The following CLASRP variants were observed in gnomAD, a reference collection of about 807,000 sequenced individuals.
CLASRP encodes CLK4-associating serine/arginine rich protein.
In CLASRP, 52 loss-of-function variants were observed where a neutral mutation model predicts 99.9. The observed-to-expected ratio is 0.52, with a 90% CI of 0.42 to 0.66. CLASRP has a LOEUF of 0.66. CLASRP is among the 30% of genes least tolerant of loss of function. CLASRP has a pLI of 0.00. For missense variants in CLASRP, 848 were observed against 999.2 expected, an observed-to-expected ratio of 0.85 and a Z score of 2.04; for synonymous variants, 379 against 373.0, an observed-to-expected ratio of 1.02 and a Z score of -0.18.
rs1370563082 is a variant in CLASRP, at chr19:45,067,086, C to T, written c.1410-251C>T. Among the ~76,000 whole-genome samples the T allele has an allele frequency of 3.3e-5, 5 of 152,158 alleles. No homozygotes were observed. The highest frequency in any genetic ancestry group is 5.9e-5 in the Non-Finnish European group (4 of 68,030). On this transcript the variant is annotated intron_variant, in intron 13 of 20. Coordinates refer to ENST00000221455, the MANE Select transcript of CLASRP (RefSeq NM_007056.3). The surrounding 1 kb of genome is among the most constrained non-coding windows in gnomAD (Gnocchi z 4.9). ...CGGGTGTCTAGTGAGGGAGAGGTGA[C>T]GTGGGCCAGGCAGGGCTCATGATGG...
chr19:45,043,012 G>A (rs573823895), intron 2 of CLASRP, among the ~76,000 whole-genome samples: 2 of 152,160 alleles, frequency 1.3e-5, no homozygotes, highest in South Asian at 4.1e-4. Flanking sequence ...TTTGTTTCAT[G>A]CACAAAATTA....
chr19:45,056,666 G>T, intron 6 of CLASRP, 132 bp downstream of exon 6: 1 of 734,444 alleles, frequency 1.4e-6, no homozygotes, highest in Non-Finnish European at 2.3e-6. Flanking sequence ...CACAGTCAGT[G>T]CTCAATTAAT....
In CLASRP at chr19:45,064,533, C is replaced by CGT; in HGVS notation, c.1314_1315dup (p.Gly439ValfsTer71). 6.5e-7 allele frequency: 1 copy of CGT among 1,537,834 alleles called. No homozygotes were observed. The highest frequency in any genetic ancestry group is 8.7e-7 in the Non-Finnish European group (1 of 1,146,266). On this transcript the variant is annotated frameshift_variant, in exon 13 of 21. Coordinates refer to ENST00000221455, the MANE Select transcript of CLASRP (RefSeq NM_007056.3). LOFTEE classifies it high-confidence loss of function. ...CCGGCGCTATTCCCGGTCCCGTAGC[C>CGT]GTGGCCGGCGGCACTCAGGTGGGGG...
chr19:45,042,510 T>A (rs1454243353), intron 2 of CLASRP, among the ~76,000 whole-genome samples: 2 of 150,830 alleles, frequency 1.3e-5, no homozygotes, highest in Non-Finnish European at 1.5e-5. Context: ...AAAAAAAAAA[T>A]TTATATATAT....
chr19:45,046,584 C>T (rs1205360879), intron 2 of CLASRP, among the ~76,000 whole-genome samples: 1 of 152,172 alleles, frequency 6.6e-6, no homozygotes, highest in Non-Finnish European at 1.5e-5. Context: ...GACTGTGAGC[C>T]CATGAGGGCA....
At position 45,064,591 on chromosome 19, in the gene CLASRP, C is replaced by G; in HGVS notation, c.1370C>G (p.Pro457Arg). 1 of 1,546,652 alleles carries G rather than the reference C, an allele frequency of 6.5e-7. No individual in the cohort carries two copies. The highest frequency in any genetic ancestry group is 8.7e-7 in the Non-Finnish European group (1 of 1,151,428). ...SRDGHRYSRSPARRGGYGPRR... is the reference protein window; with the variant it reads ...SRDGHRYSRSRARRGGYGPRR... ...GACGGACACCGGTACTCCCGCTCGC[C>G]CGCCCGGCGTGGTGGTTACGGGCCC... Residue 457 changes from proline (P) to arginine (R), a missense_variant, in exon 13 of 21, where the codon CCC becomes CGC. Pro to Arg is a moderately radical substitution (Grantham distance 103). Transcript: ENST00000221455.
chr19:45,062,495 A>G (rs182153210), intron 11 of CLASRP, among the ~76,000 whole-genome samples: 214 of 152,284 alleles, frequency 1.4e-3, no homozygotes, highest in African/African-American at 5.0e-3. Flanking sequence ...CTCCTGCCTC[A>G]GCCTCCTGAG....
intron 2 of CLASRP, among the ~76,000 whole-genome samples, chr19:45,050,999 G>A (rs1482360646): frequency 2.0e-5 from 3 of 151,990 alleles, no homozygotes; most frequent in Admixed American, 1.3e-4. Context: ...GATTACCGGC[G>A]TGAGCCACTA....
chr19:45,057,798 G>T lies in CLASRP; in HGVS notation c.513G>T (p.Thr171=), dbSNP rs200073687. Reference sequence around the variant, plus strand: ...TCGGTTATACCTACGAGGACAGCACGGTGGCCGAGGTAGAGAAGGCGGCAG... The same window carrying T: ...TCGGTTATACCTACGAGGACAGCACTGTGGCCGAGGTAGAGAAGGCGGCAG... ...ASIGYTYEDS[T]VAEVEKAAEK... The change falls in exon 7 of 21, where the codon ACG becomes ACT. Residue 171 remains threonine, a synonymous_variant. Transcript: ENST00000221455. 41 of 1,614,074 alleles carry T rather than the reference G, an allele frequency of 2.5e-5. No homozygotes were observed. The East Asian group carries it at 4.5e-4, about 18-fold the overall frequency.
chr19:45,039,976 T>G, intron 1 of CLASRP: 2 of 397,784 alleles, frequency 5.0e-6, no homozygotes, highest in South Asian at 2.9e-5. Context: ...CACCTGAGGG[T>G]TTTTCAGAAT....
chr19:45,065,965 A>G (rs1967077078), intron 13 of CLASRP, among the ~76,000 whole-genome samples: 1 of 152,162 alleles, frequency 6.6e-6, no homozygotes, highest in Non-Finnish European at 1.5e-5. Flanking sequence ...TCTGGCAGGT[A>G]AAGTAGAGGG....
chr19:45,055,526 C>G (rs1972104531), intron 5 of CLASRP, among the ~76,000 whole-genome samples: 1 of 152,226 alleles, frequency 6.6e-6, no homozygotes, highest in Admixed American at 6.5e-5. Flanking sequence ...CTGCCCACCT[C>G]TTGTTCCAGA....
chr19:45,049,475 T>C (rs924575810), intron 2 of CLASRP, among the ~76,000 whole-genome samples: 18 of 152,052 alleles, frequency 1.2e-4, no homozygotes, highest in Admixed American at 1.1e-3. Context: ...TCTTTAGGTG[T>C]GAAATGAGAG....
intron 1 of CLASRP, among the ~76,000 whole-genome samples, chr19:45,039,365 A>C (rs34603317): frequency 0.034 from 4,994 of 148,990 alleles, 264 homozygotes; most frequent in African/African-American, 0.12. Context: ...TCAAAAAAAA[A>C]AACAACAAAA....
intron 12 of CLASRP, 31 bp downstream of exon 12, chr19:45,064,258 C>T (rs571853494): frequency 2.6e-6 from 4 of 1,548,588 alleles, no homozygotes; most frequent in Middle Eastern, 1.8e-4. Flanking sequence ...CCGCCCTACG[C>T]CCCGGTCACC....
In CLASRP at chr19:45,060,388, G is replaced by C; in HGVS notation, c.711-1G>C. The C allele has an allele frequency of 6.2e-7, 1 of 1,613,978 alleles. No individual in the cohort carries two copies. The highest frequency in any genetic ancestry group is 8.5e-7 in the Non-Finnish European group (1 of 1,179,914). On this transcript the variant is annotated splice_acceptor_variant, in intron 8 of 20. Coordinates refer to ENST00000221455, the MANE Select transcript of CLASRP (RefSeq NM_007056.3). LOFTEE classifies it high-confidence loss of function. This position sits in a 1 kb window ranked among gnomAD's most constrained non-coding sequence, Gnocchi z 4.6. ...ACCCTAATTCTCACCCACCTCTATAGGATGCTCCGGAAAGACAAGGAGGAG... is the reference window on the plus strand; with the variant it reads ...ACCCTAATTCTCACCCACCTCTATACGATGCTCCGGAAAGACAAGGAGGAG...
chr19:45,068,914 C>CG (rs1600118509), intron 16 of CLASRP, 152 bp from the exon 17 acceptor site: 18 of 718,928 alleles, frequency 2.5e-5, no homozygotes, highest in South Asian at 1.4e-4. Flanking sequence ...GGCGCGAACC[C>CG]GGGGGGCGGA....
intron 1 of CLASRP, 126 bp from the exon 2 acceptor site, chr19:45,040,058 C>T: frequency 1.7e-6 from 1 of 575,354 alleles, no homozygotes; most frequent in East Asian, 3.0e-5. Flanking sequence ...AGCTTCACTT[C>T]TGCTCCCTGA....
chr19:45,043,411 C>A (rs1269876141), intron 2 of CLASRP, among the ~76,000 whole-genome samples: 35 of 81,746 alleles, frequency 4.3e-4, no homozygotes, highest in Non-Finnish European at 4.9e-4. Context: ...GACTCCGTCC[C>A]AAAAAAAAAA....
Sources: allele counts gnomAD v4.1 joint callset (sites outside exome capture counted in the v4.1 genomes callset), GRCh38; gene constraint gnomAD v4.1.1; non-coding constraint Gnocchi (gnomAD v3.1); transcripts MANE v1.5; gene names NCBI Gene and HGNC (gene_info 2026-07-23, HGNC 2026-07-21).